The following ACO1 variants were observed in gnomAD, a reference collection of about 807,000 sequenced individuals.
ACO1 encodes the protein aconitase 1.
In ACO1, 78 loss-of-function variants were observed where a neutral mutation model predicts 105.1. The ratio of observed to expected loss-of-function variants is 0.74; its 90% CI spans 0.62 to 0.90. ACO1 has a LOEUF of 0.90. Ranked by LOEUF, ACO1 falls within the 40% of genes least tolerant of loss-of-function variation. The pLI, the probability that ACO1 is intolerant of heterozygous loss-of-function variation, is 0.00. For synonymous variants in ACO1, 364 were observed against 397.4 expected, an observed-to-expected ratio of 0.92 and a Z score of 1.00; for missense variants, 965 against 1,111.1, an observed-to-expected ratio of 0.87 and a Z score of 1.87.
chr9:32,420,434 G>A (rs1821947454), intron 7 of ACO1, among the ~76,000 whole-genome samples: 1 of 152,132 alleles, frequency 6.6e-6, no homozygotes, highest in South Asian at 2.1e-4. Context: ...GGCACACTTT[G>A]TCTTTCTTTT....
intron 19 of ACO1, 144 bp downstream of exon 19, chr9:32,440,731 C>T: frequency 9.2e-7 from 1 of 1,082,876 alleles, no homozygotes; most frequent in Non-Finnish European, 1.3e-6. Flanking sequence ...TCCTGGCCTG[C>T]TTCTTGGTGC....
At chr9:32,424,759 TC>T in intron 10 of ACO1, 94 bp downstream of exon 10, 1 of 822,506 alleles carries the variant, frequency 1.2e-6, no homozygotes, top group Non-Finnish European at 2.0e-6. Flanking sequence ...ACATGAATCT[TC>T]CTGTAGCCTG....
chr9:32,392,737 G>A (rs1019713625), intron 1 of ACO1, among the ~76,000 whole-genome samples: 3 of 152,156 alleles, frequency 2.0e-5, no homozygotes, highest in African/African-American at 2.4e-5. Flanking sequence ...TAACTGTTGC[G>A]GGAGGTCAGG....
chr9:32,436,213 T>G, intron 17 of ACO1, 37 bp from the exon 18 acceptor site: 1 of 1,613,310 alleles, frequency 6.2e-7, no homozygotes, highest in Non-Finnish European at 8.5e-7. Flanking sequence ...CTTTGCTTGC[T>G]TCACTAAGCC....
rs556278507 is a variant in ACO1 at position 32,415,130 on chromosome 9, G to A, written c.405-2998G>A. Among the ~76,000 whole-genome samples the A allele has an allele frequency of 1.4e-3, 212 of 152,336 alleles. 1 individual carries two copies. Among genetic ancestry groups the A allele is most frequent in the African/African-American group, 4.9e-3 (203 of 41,588 alleles). The stretch of plus-strand genomic sequence containing the variant: ...GTGGGAAGAGCATGCTGGCTACAGT[G>A]TAGCTGAAGCTGAGAGCTTGGACTG... On this transcript the variant is annotated intron_variant, in intron 4 of 20. Coordinates refer to ENST00000309951, the MANE Select transcript of ACO1 (RefSeq NM_002197.3).
rs1822785429 is a variant in ACO1, at chr9:32,452,298, A to AC, written c.*2193dup. 6.6e-6 allele frequency: 1 copy of AC among 152,206 alleles called. No individual in the cohort carries two copies. The highest frequency in any genetic ancestry group is 6.5e-5 in the Admixed American group (1 of 15,276). 9.4% of individuals were successfully genotyped at this position (152,206 alleles called of 1,614,324 possible). ...CCAAAATTCAGGTGGTGAAACCTTA[A>AC]CCCCCCAGGTAATGGTAATAGAAGC... is the stretch of plus-strand genomic sequence containing the variant. On this transcript the variant is annotated 3_prime_UTR_variant, in exon 21 of 21. Coordinates refer to ENST00000309951, the MANE Select transcript of ACO1 (RefSeq NM_002197.3).
chr9:32,408,927 A>T (rs896048464), intron 4 of ACO1, among the ~76,000 whole-genome samples: 1 of 152,202 alleles, frequency 6.6e-6, no homozygotes, highest in African/African-American at 2.4e-5. Flanking sequence ...CACACACATG[A>T]AGTTCTGCCA....
intron 4 of ACO1, among the ~76,000 whole-genome samples, chr9:32,415,922 AG>A (rs1445894087): frequency 6.6e-6 from 1 of 152,054 alleles, no homozygotes; most frequent in Non-Finnish European, 1.5e-5. Flanking sequence ...CCTTCATTTG[AG>A]GGCCAAGCAT....
At chr9:32,438,917 G>C (rs1393448384) in intron 18 of ACO1, among the ~76,000 whole-genome samples, 1 of 152,190 alleles carries the variant, frequency 6.6e-6, no homozygotes, top group Non-Finnish European at 1.5e-5. Flanking sequence ...GAGAAATCAA[G>C]AACTAGTAGT....
chr9:32,414,821 A>G (rs761867696), intron 4 of ACO1, among the ~76,000 whole-genome samples: 6 of 152,218 alleles, frequency 3.9e-5, no homozygotes, highest in Non-Finnish European at 8.8e-5. Flanking sequence ...CCTTTTTTAA[A>G]AAAATTAAAT....
chr9:32,389,231 G>A (rs977404041), intron 1 of ACO1, among the ~76,000 whole-genome samples: 6 of 152,232 alleles, frequency 3.9e-5, no homozygotes, highest in African/African-American at 1.4e-4. Context: ...GTACGAGTGT[G>A]CCCCTGCATG....
chr9:32,385,029 A>G (rs1419892397), intron 1 of ACO1, among the ~76,000 whole-genome samples: 1 of 152,148 alleles, frequency 6.6e-6, no homozygotes, highest in African/African-American at 2.4e-5. Context: ...GTCCTTGCCT[A>G]GGGTGTGCGG....
intron 4 of ACO1, among the ~76,000 whole-genome samples, chr9:32,410,848 C>T (rs569718084): frequency 1.2e-3 from 178 of 152,296 alleles, no homozygotes; most frequent in Non-Finnish European, 2.1e-3. Flanking sequence ...TTTGGGAGGT[C>T]AGCTGACCTA....
At chr9:32,447,369 C>G (rs1822639391) in intron 19 of ACO1, among the ~76,000 whole-genome samples, 1 of 152,096 alleles carries the variant, frequency 6.6e-6, no homozygotes, top group Admixed American at 6.6e-5. Context: ...GCTATTGATA[C>G]TTGTATATAC....
chr9:32,433,668 C>T (rs1289021287), intron 15 of ACO1, 60 bp from the exon 16 acceptor site: 1 of 1,267,604 alleles, frequency 7.9e-7, no homozygotes, highest in Non-Finnish European at 1.1e-6. Context: ...TTTGTGTTTG[C>T]ATATTAAATT....
rs1297922662 is a variant in ACO1, at chr9:32,419,148, T to C, written c.769T>C (p.Ser257Pro). The C allele has an allele frequency of 6.2e-7, 1 of 1,602,656 alleles. No homozygotes were observed. The highest frequency in any genetic ancestry group is 8.5e-7 in the Non-Finnish European group (1 of 1,174,260). The change falls in exon 7 of 21, where the codon TCC becomes CCC. Residue 257 changes from serine to proline, a missense_variant. Transcript: ENST00000309951. ...GGGGAAGCCCCACCCTCTGGTAACA[T>C]CCACTGACATCGTGCTCACCATTAC... The part of the protein sequence containing the change: ...LMGKPHPLVT[S>P]TDIVLTITKH...
intron 19 of ACO1, among the ~76,000 whole-genome samples, chr9:32,446,170 A>G (rs1040694341): frequency 6.6e-6 from 1 of 152,096 alleles, no homozygotes; most frequent in Admixed American, 6.6e-5. Context: ...ATCCTTGTTA[A>G]CTTTCTGTCT....
intron 19 of ACO1, among the ~76,000 whole-genome samples, chr9:32,448,375 C>G (rs938220431): frequency 2.4e-4 from 37 of 152,242 alleles, no homozygotes; most frequent in Non-Finnish European, 4.1e-4. Context: ...CCCCTCTGCC[C>G]ACCAAGCTCG....
At chr9:32,425,565 T>C (rs755733516) in intron 10 of ACO1, among the ~76,000 whole-genome samples, 5 of 152,332 alleles carry the variant, frequency 3.3e-5, no homozygotes, top group Middle Eastern at 3.4e-3. Flanking sequence ...AAGGAAGTAA[T>C]TGTTACTAAT....
Sources: gnomAD v4.1 joint callset for allele counts (sites outside exome capture counted in the v4.1 genomes callset) on GRCh38, gnomAD v4.1.1 for gene constraint, MANE v1.5 for transcripts, NCBI Gene and HGNC (gene_info 2026-07-23, HGNC 2026-07-21) for gene names.